The following PKNOX2 variants were observed in gnomAD, a reference collection of about 807,000 sequenced individuals.
PKNOX2 encodes homeobox protein PKNOX2.
In PKNOX2, 14 loss-of-function variants were observed where a neutral mutation model predicts 53.1. The observed-to-expected ratio is 0.26, with a 90% CI of 0.17 to 0.41. The LOEUF is 0.41. Among genes scored for constraint, PKNOX2 ranks in the 10% least tolerant of loss-of-function variants. The pLI, the probability that PKNOX2 is intolerant of heterozygous loss-of-function variation, is 1.00. For missense variants in PKNOX2, 496 were observed against 602.8 expected (o/e 0.82, Z 1.85); for synonymous variants, 257 against 242.8 (o/e 1.06, Z -0.54).
intron 2 of PKNOX2, among the ~76,000 whole-genome samples, chr11:125,236,402 G>A (rs1942702769): frequency 6.6e-6 from 1 of 151,156 alleles, no homozygotes; most frequent in African/African-American, 2.4e-5. Flanking sequence ...GTGGGTGGAG[G>A]GGCAGACTAG....
intron 1 of PKNOX2, among the ~76,000 whole-genome samples, chr11:125,178,609 G>A (rs11219950): frequency 0.097 from 4,370 of 45,196 alleles, 388 homozygotes; most frequent in African/African-American, 0.15. Context: ...AAGGAAGGAA[G>A]GAAAGAAAGA....
intron 2 of PKNOX2, among the ~76,000 whole-genome samples, chr11:125,309,548 G>A (rs986833267): frequency 7.9e-5 from 12 of 151,946 alleles, no homozygotes; most frequent in Admixed American, 3.3e-4. Context: ...CACCACGCCC[G>A]GGTAATTTTT....
intron 10 of PKNOX2, among the ~76,000 whole-genome samples, chr11:125,419,693 C>T (rs564876881): frequency 4.6e-5 from 7 of 151,770 alleles, no homozygotes; most frequent in Non-Finnish European, 7.4e-5. Flanking sequence ...CAGATTAGTA[C>T]GAATTAGTTC....
At chr11:125,253,466 G>A (rs530833518) in intron 2 of PKNOX2, among the ~76,000 whole-genome samples, 1 of 152,098 alleles carries the variant, frequency 6.6e-6, no homozygotes, top group African/African-American at 2.4e-5. Flanking sequence ...CCTGCCCTCC[G>A]CTTGCTGTTC....
chr11:125,206,634 G>A (rs1177210601), intron 1 of PKNOX2, among the ~76,000 whole-genome samples: 2 of 152,206 alleles, frequency 1.3e-5, no homozygotes, highest in Admixed American at 6.5e-5. Flanking sequence ...GATCTTGAGC[G>A]AAAAACGTCA....
At chr11:125,374,631 G>A (rs1190145456) in intron 5 of PKNOX2, among the ~76,000 whole-genome samples, 4 of 152,200 alleles carry the variant, frequency 2.6e-5, no homozygotes, top group Non-Finnish European at 5.9e-5. Flanking sequence ...GGGAGCAGGT[G>A]TGCTCAGGAG....
At chr11:125,223,915 C>T (rs1941445151) in intron 1 of PKNOX2, among the ~76,000 whole-genome samples, 1 of 152,184 alleles carries the variant, frequency 6.6e-6, no homozygotes, top group South Asian at 2.1e-4. Flanking sequence ...TCAAGAAGGT[C>T]ACACTGAAAG....
At chr11:125,276,789 G>A (rs183809447) in intron 2 of PKNOX2, among the ~76,000 whole-genome samples, 124 of 152,268 alleles carry the variant, frequency 8.1e-4, no homozygotes, top group African/African-American at 2.8e-3. Flanking sequence ...AGTGAGATTT[G>A]TGGTCATGTT....
intron 4 of PKNOX2, among the ~76,000 whole-genome samples, chr11:125,356,193 C>T (rs556942005): frequency 6.6e-6 from 1 of 152,356 alleles, no homozygotes; most frequent in East Asian, 1.9e-4. Context: ...ATGTCAGCTG[C>T]ATGAGCATTG....
At chr11:125,307,898 C>T (rs1015432001) in intron 2 of PKNOX2, among the ~76,000 whole-genome samples, 4 of 152,184 alleles carry the variant, frequency 2.6e-5, no homozygotes, top group African/African-American at 9.7e-5. Context: ...AGGTAGATTA[C>T]AATGAGTGCT....
intron 1 of PKNOX2, among the ~76,000 whole-genome samples, chr11:125,182,844 C>A (rs1311372036): frequency 6.6e-6 from 1 of 152,218 alleles, no homozygotes; most frequent in Non-Finnish European, 1.5e-5. Context: ...TGGAGAACTG[C>A]TCCTGTCCCT....
At chr11:125,310,114 T>TG (rs140229616) in intron 2 of PKNOX2, among the ~76,000 whole-genome samples, 171 of 152,294 alleles carry the variant, frequency 1.1e-3, no homozygotes, top group Non-Finnish European at 2.0e-3. Flanking sequence ...TATGTGTGTG[T>TG]TTTTTTAAAG....
intron 2 of PKNOX2, among the ~76,000 whole-genome samples, chr11:125,328,354 A>AGAGT (rs1379225457): frequency 2.1e-5 from 3 of 143,130 alleles, no homozygotes; most frequent in Admixed American, 1.4e-4. Flanking sequence ...AGAAAGAGAG[A>AGAGT]GAGTGAGTGA....
intron 3 of PKNOX2, among the ~76,000 whole-genome samples, chr11:125,342,676 T>C (rs537352014): frequency 6.6e-6 from 1 of 152,074 alleles, no homozygotes; most frequent in East Asian, 1.9e-4. Flanking sequence ...AACCTGGGAA[T>C]CAGGTTTGTC....
intron 2 of PKNOX2, among the ~76,000 whole-genome samples, chr11:125,249,086 CAT>C (rs1413108012): frequency 3.6e-4 from 40 of 110,472 alleles, no homozygotes; most frequent in Admixed American, 2.9e-3. Flanking sequence ...TACACACACA[CAT>C]GTTTATATGT....
intron 1 of PKNOX2, among the ~76,000 whole-genome samples, chr11:125,205,670 C>T (rs879209002): frequency 6.6e-6 from 1 of 152,024 alleles, no homozygotes; most frequent in Non-Finnish European, 1.5e-5. Context: ...CCGCTTCTCT[C>T]TCATGCCACG....
intron 10 of PKNOX2, among the ~76,000 whole-genome samples, chr11:125,421,725 A>G (rs608529): frequency 0.13 from 19,278 of 152,274 alleles, 1,376 homozygotes; most frequent in Non-Finnish European, 0.15. Flanking sequence ...GCAGGCCGGC[A>G]TGTCACATTT....
At chr11:125,304,633 T>C (rs1398927287) in intron 2 of PKNOX2, among the ~76,000 whole-genome samples, 1 of 152,200 alleles carries the variant, frequency 6.6e-6, no homozygotes, top group African/African-American at 2.4e-5. Context: ...CAGCATTTTA[T>C]ATCAAGAGAC....
intron 10 of PKNOX2, 111 bp from the exon 11 acceptor site, chr11:125,428,901 A>T: frequency 2.5e-6 from 3 of 1,210,006 alleles, no homozygotes; most frequent in East Asian, 4.9e-5. Flanking sequence ...TTGGTTCCCA[A>T]ACCACTCGGG....
Sources: gnomAD v4.1 joint callset for allele counts (sites outside exome capture counted in the v4.1 genomes callset) on GRCh38, gnomAD v4.1.1 for gene constraint, MANE v1.5 for transcripts, NCBI Gene and HGNC (gene_info 2026-07-23, HGNC 2026-07-21) for gene names.